The following KHDRBS2 variants were observed in gnomAD, a reference collection of about 807,000 sequenced individuals.
The protein encoded by KHDRBS2 is KH RNA binding domain containing, signal transduction associated 2, also known as KH domain-containing, RNA-binding, signal transduction-associated protein 2.
In KHDRBS2, 26 loss-of-function variants were observed where a neutral mutation model predicts 44.3. The ratio of observed to expected loss-of-function variants is 0.59; its 90% CI spans 0.43 to 0.81. The LOEUF (loss-of-function observed/expected upper bound fraction) is 0.81, where lower values mean the gene tolerates loss of function less well. Ranked by LOEUF, KHDRBS2 falls within the 40% of genes least tolerant of loss-of-function variation. KHDRBS2 has a pLI of 0.00. For synonymous variants in KHDRBS2, 194 were observed against 151.1 expected (o/e 1.28, Z -2.08); for missense variants, 476 against 433.1 (o/e 1.10, Z -0.88).
intron 3 of KHDRBS2, among the ~76,000 whole-genome samples, chr6:62,020,427 G>T (rs184026432): frequency 2.0e-5 from 3 of 152,056 alleles, no homozygotes; most frequent in Non-Finnish European, 2.9e-5. Flanking sequence ...CTATTGTTTG[G>T]AGTGTGGGGT....
chr6:62,065,780 T>TAAA (rs57422009), intron 2 of KHDRBS2, among the ~76,000 whole-genome samples: 3 of 125,460 alleles, frequency 2.4e-5, no homozygotes, highest in African/African-American at 8.5e-5. Context: ...ACTTAAAGTA[T>TAAA]AAAAAAAAAA....
chr6:61,697,903 G>A (rs57122025), intron 7 of KHDRBS2, among the ~76,000 whole-genome samples: 1,722 of 152,144 alleles, frequency 0.011, 32 homozygotes, highest in African/African-American at 0.04. Flanking sequence ...AAGGCATAAT[G>A]CCTATTAGCA....
intron 6 of KHDRBS2, among the ~76,000 whole-genome samples, chr6:61,778,108 A>T (rs1246402883): frequency 6.6e-6 from 1 of 152,212 alleles, no homozygotes; most frequent in African/African-American, 2.4e-5. Flanking sequence ...AGGCAAGAAA[A>T]ATATTTTAAT....
intron 6 of KHDRBS2, among the ~76,000 whole-genome samples, chr6:61,801,121 C>T (rs1786185257): frequency 6.6e-6 from 1 of 152,188 alleles, no homozygotes; most frequent in South Asian, 2.1e-4. Context: ...CATTACACTA[C>T]ATCAATAGTT....
intron 1 of KHDRBS2, among the ~76,000 whole-genome samples, chr6:62,253,114 G>A (rs1447946791): frequency 6.6e-6 from 1 of 151,892 alleles, no homozygotes; most frequent in African/African-American, 2.4e-5. Flanking sequence ...AAAAAACAGA[G>A]CAGGCTTTAT....
chr6:62,089,255 T>A (rs1454534415), intron 2 of KHDRBS2, among the ~76,000 whole-genome samples: 87 of 121,368 alleles, frequency 7.2e-4, no homozygotes, highest in African/African-American at 2.2e-3. Context: ...GCATTTCAGG[T>A]GCCACTGGGT....
chr6:62,072,353 G>T (rs1479316235), intron 2 of KHDRBS2, among the ~76,000 whole-genome samples: 1 of 152,032 alleles, frequency 6.6e-6, no homozygotes, highest in African/African-American at 2.4e-5. Flanking sequence ...CTGCCTGATT[G>T]CCCTGGCCAG....
chr6:61,824,268 A>C (rs1210014638), intron 6 of KHDRBS2, among the ~76,000 whole-genome samples: 2 of 152,010 alleles, frequency 1.3e-5, no homozygotes, highest in African/African-American at 4.8e-5. Flanking sequence ...ATGGATCATG[A>C]AGGTGTTTTT....
chr6:61,893,293 T>C (rs1459926567), intron 6 of KHDRBS2, among the ~76,000 whole-genome samples: 1 of 152,194 alleles, frequency 6.6e-6, no homozygotes, highest in Non-Finnish European at 1.5e-5. Context: ...ACTTTTACAC[T>C]GTTGGTGCGA....
At chr6:62,060,995 C>A (rs561137000) in intron 2 of KHDRBS2, among the ~76,000 whole-genome samples, 52 of 151,902 alleles carry the variant, frequency 3.4e-4, no homozygotes, top group South Asian at 6.2e-4. Context: ...AGGATTGCAA[C>A]CCTTGCCTTT....
At chr6:61,919,242 T>A (rs1807587738) in intron 4 of KHDRBS2, among the ~76,000 whole-genome samples, 1 of 151,894 alleles carries the variant, frequency 6.6e-6, no homozygotes, top group South Asian at 2.1e-4. Flanking sequence ...TGGGTTTATA[T>A]AAAATATATG....
At chr6:61,981,570 G>T (rs1251935560) in intron 3 of KHDRBS2, among the ~76,000 whole-genome samples, 1 of 152,004 alleles carries the variant, frequency 6.6e-6, no homozygotes, top group African/African-American at 2.4e-5. Flanking sequence ...TAAGTAAGTG[G>T]ATAACTAAAG....
chr6:61,726,438 G>T (rs1171294838), intron 7 of KHDRBS2, among the ~76,000 whole-genome samples: 1 of 152,156 alleles, frequency 6.6e-6, no homozygotes, highest in Non-Finnish European at 1.5e-5. Context: ...TCAGGCAAGA[G>T]AAAGAAACAA....
intron 4 of KHDRBS2, among the ~76,000 whole-genome samples, chr6:61,908,744 G>A (rs1220775068): frequency 6.6e-6 from 1 of 151,710 alleles, no homozygotes; most frequent in Non-Finnish European, 1.5e-5. Flanking sequence ...AGGCCTACCC[G>A]TATTATGAAG....
At chr6:61,854,146 C>T (rs1562307054) in intron 6 of KHDRBS2, among the ~76,000 whole-genome samples, 1 of 110,078 alleles carries the variant, frequency 9.1e-6, no homozygotes, top group African/African-American at 3.6e-5. Context: ...TTTGAAAAAT[C>T]GTGTAGAATT....
At chr6:61,775,892 A>C (rs1166198882) in intron 6 of KHDRBS2, among the ~76,000 whole-genome samples, 4 of 152,232 alleles carry the variant, frequency 2.6e-5, no homozygotes, top group Non-Finnish European at 5.9e-5. Context: ...CTTCAAATAT[A>C]CTACAAGGCC....
intron 6 of KHDRBS2, among the ~76,000 whole-genome samples, chr6:61,863,144 T>C (rs1797250930): frequency 6.6e-6 from 1 of 152,082 alleles, no homozygotes; most frequent in South Asian, 2.1e-4. Context: ...CCCTTACCAT[T>C]TCTGGTTCTT....
At chr6:61,698,432 C>T (rs1334529341) in intron 7 of KHDRBS2, among the ~76,000 whole-genome samples, 5 of 152,110 alleles carry the variant, frequency 3.3e-5, no homozygotes, top group Admixed American at 6.6e-5. Context: ...AATCTGAACA[C>T]GTCTAAACAT....
chr6:61,601,707 T>C, the KHDRBS2 span, among the ~76,000 whole-genome samples: 1 of 151,978 alleles, frequency 6.6e-6, no homozygotes, highest in African/African-American at 2.4e-5. Context: ...ATTCCTTTTC[T>C]ACAGACCCAT....
Sources: gnomAD v4.1 joint callset for allele counts (sites outside exome capture counted in the v4.1 genomes callset) on GRCh38, gnomAD v4.1.1 for gene constraint, MANE v1.5 for transcripts, NCBI Gene and HGNC (gene_info 2026-07-23, HGNC 2026-07-21) for gene names.